Variants in PCGF2 observed in about 807,000 individuals in gnomAD.
The protein encoded by PCGF2 is polycomb group ring finger 2.
PCGF2 carries 8 observed loss-of-function variants against 36.1 expected under a neutral mutation model. That is an observed-to-expected ratio of 0.22 (90% confidence interval 0.13 to 0.40). PCGF2 has a LOEUF of 0.40. PCGF2 is among the 10% of genes least tolerant of loss of function. The pLI is 1.00. For missense variants in PCGF2, 436 were observed against 475.9 expected (o/e 0.92, Z 0.78); for synonymous variants, 198 against 191.2 (o/e 1.04, Z -0.29).
chr17:38,740,660 G>A (rs544534631), intron 2 of PCGF2, among the ~76,000 whole-genome samples: 4 of 152,164 alleles, frequency 2.6e-5, no homozygotes, highest in Non-Finnish European at 5.9e-5. Flanking sequence ...TTGGGAGGCT[G>A]AGGCAGGAGA....
intron 2 of PCGF2, among the ~76,000 whole-genome samples, chr17:38,743,096 T>TC (rs1025563830): frequency 3.4e-5 from 5 of 148,468 alleles, no homozygotes; most frequent in Non-Finnish European, 7.5e-5. Flanking sequence ...CACTTGCTCT[T>TC]TTTTTTTTTT....
chr17:38,735,548 G>A lies in PCGF2; in HGVS notation c.710C>T (p.Thr237Ile), dbSNP rs925022214. ...YRVQPACKRL[T>I]LATVPTPSEG... is the part of the protein sequence containing the mutation. The stretch of plus-strand genomic sequence containing the variant: ...GGAGGGGGTGGGCACCGTGGCTAGG[G>A]TGAGCCGCTTGCAGGCTGGCTGGAC... The change falls in exon 11 of 11, where the codon ACC (threonine) becomes ATC (isoleucine). Residue 237 changes from threonine to isoleucine, a missense_variant. Physicochemically the swap from Thr to Ile is moderately conservative, Grantham distance 89. Around this residue, in one of 3 missense-constraint regions of PCGF2, gnomAD observed 227 missense variants for 212.9 expected, o/e 1.07. Coordinates refer to ENST00000620225, the MANE Select transcript of PCGF2 (RefSeq NM_007144.3). The A allele has an allele frequency of 3.1e-6, 5 of 1,587,580 alleles. No individual in the cohort carries two copies. The highest frequency in any genetic ancestry group is 1.8e-5 in the Admixed American group (1 of 56,468).
chr17:38,745,273 A>C (rs1244404257), intron 2 of PCGF2, among the ~76,000 whole-genome samples: 1 of 152,224 alleles, frequency 6.6e-6, no homozygotes, highest in Non-Finnish European at 1.5e-5. Context: ...CAGAGGTTGC[A>C]GTGAGCCGAG....
upstream of PCGF2, among the ~76,000 whole-genome samples, chr17:38,748,631 AG>A (rs899965146): frequency 6.9e-4 from 105 of 152,008 alleles, no homozygotes; most frequent in Admixed American, 2.0e-3. Context: ...TACCTTCCGC[AG>A]TTAGCCCCCC....
At chr17:38,740,673 G>A (rs1050673694) in intron 2 of PCGF2, among the ~76,000 whole-genome samples, 10 of 152,090 alleles carry the variant, frequency 6.6e-5, no homozygotes, top group African/African-American at 2.4e-4. Flanking sequence ...GCAGGAGAAT[G>A]TCGTGAACCC....
At chr17:38,740,691 G>A (rs569740936) in intron 2 of PCGF2, among the ~76,000 whole-genome samples, 1 of 152,194 alleles carries the variant, frequency 6.6e-6, no homozygotes, top group South Asian at 2.1e-4. Context: ...CCCGGGAGGC[G>A]GAGCTTGCAG....
chr17:38,739,451 G>A lies in PCGF2; in HGVS notation c.209+135C>T, dbSNP rs1907023687. On this transcript the variant is annotated intron_variant, in intron 4 of 10. Coordinates refer to ENST00000620225, the MANE Select transcript of PCGF2 (RefSeq NM_007144.3). This position sits in a 1 kb window ranked among gnomAD's most constrained non-coding sequence, Gnocchi z 4.0. The stretch of plus-strand genomic sequence containing the variant: ...ATGAGCCAAATGTAACCCCAAGGTC[G>A]GGGAGTAGCCCAGGTCCACACCCCA... 10 of 889,142 alleles carry A rather than the reference G, an allele frequency of 1.1e-5. No homozygotes were observed. Among genetic ancestry groups the A allele is most frequent in the Admixed American group, 3.7e-5 (2 of 54,622 alleles). 55.1% of individuals were successfully genotyped at this position (889,142 alleles called of 1,614,324 possible). A position where few individuals can be genotyped will look rare whatever the true frequency, so the allele number is the denominator to read the frequency against.
chr17:38,742,194 C>T (rs116655485), intron 2 of PCGF2, among the ~76,000 whole-genome samples: 1,625 of 152,286 alleles, frequency 0.011, 36 homozygotes, highest in African/African-American at 0.037. Context: ...GAAGGGACAG[C>T]AGCCCTCCCT....
chr17:38,736,654 G>A (rs1906765949), intron 9 of PCGF2, among the ~76,000 whole-genome samples: 2 of 152,150 alleles, frequency 1.3e-5, no homozygotes, highest in South Asian at 4.1e-4. Flanking sequence ...CTAACGTGGT[G>A]AAACCCCGTC....
intron 2 of PCGF2, among the ~76,000 whole-genome samples, chr17:38,743,468 C>G (rs1305402711): frequency 6.6e-6 from 1 of 152,058 alleles, no homozygotes; most frequent in Non-Finnish European, 1.5e-5. Context: ...CAGTCACTTC[C>G]CCGAGCATTT....
At position 38,739,020 on chromosome 17, in the gene PCGF2, G is replaced by C. The variant is rs1340927468; in HGVS notation, c.316+48C>G. 3 of 1,604,332 alleles carry C rather than the reference G, an allele frequency of 1.9e-6. No homozygotes were observed. Among genetic ancestry groups the C allele is most frequent in the Admixed American group, 3.3e-5 (2 of 59,980 alleles). ...GAGGGGTAGCGCTACACACCTACAT[G>C]GTCCCAGGCAAGACTGTGCACACAC... On this transcript the variant is annotated intron_variant, in intron 6 of 10. Transcript: ENST00000620225. The surrounding 1 kb of genome is among the most constrained non-coding windows in gnomAD (Gnocchi z 4.0).
Position 38,740,414 on chromosome 17 carries a change from C to T in PCGF2, c.-12G>A, listed in dbSNP as rs753908747. 2.6e-5 allele frequency: 32 copies of T among 1,214,158 alleles called. No homozygotes were observed. The highest frequency in any genetic ancestry group is 1.1e-4 in the Admixed American group (3 of 26,668). 75.2% of individuals were successfully genotyped at this position (1,214,158 alleles called of 1,614,324 possible). A position where few individuals can be genotyped will look rare whatever the true frequency, so the allele number is the denominator to read the frequency against. ...GTAGTCCGATGCATGATTCCGGGGTCGGGGGTGGGGGGACTGGGGAGCGTT... is the reference window on the plus strand; with the variant it reads ...GTAGTCCGATGCATGATTCCGGGGTTGGGGGTGGGGGGACTGGGGAGCGTT... On this transcript the variant is annotated 5_prime_UTR_variant, in exon 3 of 11. Coordinates refer to ENST00000620225, the MANE Select transcript of PCGF2 (RefSeq NM_007144.3).
chr17:38,745,104 G>A (rs545819138), intron 2 of PCGF2, among the ~76,000 whole-genome samples: 15 of 152,278 alleles, frequency 9.9e-5, no homozygotes, highest in Admixed American at 7.8e-4. Context: ...AGGCCAAGAC[G>A]GGCGGATCAT....
chr17:38,739,772 C>G lies in PCGF2; in HGVS notation c.113-90G>C. The G allele has an allele frequency of 1.1e-6, 1 of 919,868 alleles. No individual in the cohort carries two copies. The highest frequency in any genetic ancestry group is 1.8e-6 in the Non-Finnish European group (1 of 550,834). 57.0% of individuals were successfully genotyped at this position (919,868 alleles called of 1,614,324 possible). The stretch of plus-strand genomic sequence containing the variant: ...GCCCTCTGCTCAGACTCAGATATCC[C>G]TCCTCCTCCACCCTGTCCCTGCTCC... On this transcript the variant is annotated intron_variant, in intron 3 of 10. Coordinates refer to ENST00000620225, the MANE Select transcript of PCGF2 (RefSeq NM_007144.3). The surrounding 1 kb of genome is among the most constrained non-coding windows in gnomAD (Gnocchi z 4.0).
intron 2 of PCGF2, among the ~76,000 whole-genome samples, chr17:38,742,137 C>T (rs1907240121): frequency 1.3e-5 from 2 of 152,182 alleles, no homozygotes; most frequent in Admixed American, 6.5e-5. Flanking sequence ...CTGGATTGGC[C>T]ACCGTGCTTC....
At chr17:38,738,114 A>T (rs185954705) in intron 9 of PCGF2, among the ~76,000 whole-genome samples, 1 of 152,282 alleles carries the variant, frequency 6.6e-6, no homozygotes, top group African/African-American at 2.4e-5. Flanking sequence ...CACAGTTCCG[A>T]GTGTGCAACA....
intron 9 of PCGF2, among the ~76,000 whole-genome samples, chr17:38,738,025 G>C (rs1351782357): frequency 6.6e-6 from 1 of 152,098 alleles, no homozygotes; most frequent in African/African-American, 2.4e-5. Flanking sequence ...ATGTCCTGGA[G>C]CTCCGTTGGA....
chr17:38,739,286 G>A lies in PCGF2; in HGVS notation c.210-33C>T, dbSNP rs71384265. ...AAAATGGACAGGGCTTATCAGCAAT[G>A]CCTTCTCCAGAGCGCTCCGACCTCG... On this transcript the variant is annotated intron_variant, in intron 4 of 10. Transcript: ENST00000620225. This position sits in a 1 kb window ranked among gnomAD's most constrained non-coding sequence, Gnocchi z 4.0. 2.6e-3 allele frequency: 4,103 copies of A among 1,596,754 alleles called. 101 individuals carry two copies. The African/African-American group carries it at 0.048, about 19-fold the overall frequency.
chr17:38,735,645 T>C, intron 10 of PCGF2, 45 bp from the exon 11 acceptor site: 1 of 1,494,974 alleles, frequency 6.7e-7, no homozygotes, highest in Non-Finnish European at 8.9e-7. Context: ...GGGGAAGGTA[T>C]CAGGAGACAG....
Sources: gnomAD v4.1 joint callset for allele counts (sites outside exome capture counted in the v4.1 genomes callset) on GRCh38, gnomAD v4.1.1 for gene constraint, gnomAD v4.1.1 regional missense constraint, Gnocchi (gnomAD v3.1) non-coding constraint, MANE v1.5 for transcripts, NCBI Gene and HGNC (gene_info 2026-07-23, HGNC 2026-07-21) for gene names.